THUMPD2: variants seen among roughly 807,000 people sequenced by gnomAD.
The protein encoded by THUMPD2 is U6 snRNA (guanine-N(2))-methyltransferase THUMPD2.
THUMPD2 carries 56 observed loss-of-function variants against 49.4 expected under a neutral mutation model. The ratio of observed to expected loss-of-function variants is 1.13; its 90% CI spans 0.91 to 1.41. The LOEUF is 1.41. Among genes scored for constraint, THUMPD2 ranks in the 40% most tolerant of loss-of-function variants. THUMPD2 has a pLI of 0.00. For synonymous variants in THUMPD2, 237 were observed against 205.2 expected (o/e 1.15, Z -1.32); for missense variants, 709 against 594.5 (o/e 1.19, Z -2.00).
At chr2:39,738,975 T>C (rs1673534837) in intron 9 of THUMPD2, among the ~76,000 whole-genome samples, 1 of 152,128 alleles carries the variant, frequency 6.6e-6, no homozygotes, top group South Asian at 2.1e-4. Flanking sequence ...GAAGCTTAGG[T>C]AGCTTTCCCT....
intron 8 of THUMPD2, among the ~76,000 whole-genome samples, chr2:39,754,535 A>C (rs6719179): frequency 0.42 from 63,755 of 152,034 alleles, 14,496 homozygotes; most frequent in East Asian, 0.75. Flanking sequence ...ACTACCTATC[A>C]CTGTCAACAG....
intron 9 of THUMPD2, among the ~76,000 whole-genome samples, chr2:39,739,775 G>A (rs868792240): frequency 1.3e-5 from 2 of 152,286 alleles, no homozygotes; most frequent in African/African-American, 4.8e-5. Flanking sequence ...GGAACTGAGA[G>A]GATAAACCCT....
chr2:39,770,009 GT>G lies in THUMPD2; in HGVS notation c.372del (p.Lys124AsnfsTer10). ...AGTTGGTTATCATCTCTCTGAGAAA[GT>G]TTTTCCTTTTTTGCATCAAGTTCAA... is the stretch of plus-strand genomic sequence containing the variant. The part of the protein sequence containing the change: ...NLLELDAKKE[K>X]LSQRDDNQLK... On this transcript the variant is annotated frameshift_variant, in exon 3 of 10. Coordinates refer to ENST00000505747, the MANE Select transcript of THUMPD2 (RefSeq NM_025264.5). LOFTEE classifies it high-confidence loss of function. 1 of 1,574,574 alleles carries G rather than the reference GT, an allele frequency of 6.4e-7. No individual in the cohort carries two copies. The highest frequency in any genetic ancestry group is 8.6e-7 in the Non-Finnish European group (1 of 1,168,950).
At chr2:39,746,740 G>A (rs1674643316) in intron 8 of THUMPD2, among the ~76,000 whole-genome samples, 1 of 152,048 alleles carries the variant, frequency 6.6e-6, no homozygotes, top group African/African-American at 2.4e-5. Context: ...TAAAACTCAG[G>A]ACTATGGCCC....
chr2:39,762,542 A>G (rs548957946), intron 5 of THUMPD2, among the ~76,000 whole-genome samples: 5 of 152,116 alleles, frequency 3.3e-5, no homozygotes, highest in South Asian at 2.1e-4. Context: ...GCTTTTTAAT[A>G]AAGTTTTTTC....
chr2:39,762,384 T>C (rs188694213), intron 5 of THUMPD2, among the ~76,000 whole-genome samples: 1 of 152,318 alleles, frequency 6.6e-6, no homozygotes, highest in East Asian at 1.9e-4. Flanking sequence ...TCATCTTTCT[T>C]TGACTTTAAC....
chr2:39,779,137 G>C lies in THUMPD2; in HGVS notation c.103C>G (p.Arg35Gly). 2 of 1,517,472 alleles carry C rather than the reference G, an allele frequency of 1.3e-6. No homozygotes were observed. Among genetic ancestry groups the C allele is most frequent in the Non-Finnish European group, 1.8e-6 (2 of 1,138,676 alleles). The allele number at this position is 1,517,472 out of a possible 1,614,324, so 94.0% of individuals were successfully genotyped here. The change falls in exon 1 of 10, where the codon CGG becomes GGG. Residue 35 changes from arginine to glycine, a missense_variant. By Grantham distance (125) the Arg-to-Gly change is moderately radical. Transcript: ENST00000505747. ...ACCTGCGTGGCCGCCAGCCGCGCCC[G>C]CACCTCTCGCATTACGAACGGCTCC... ...GLEPFVMREV[R>G]ARLAATQVEY...
chr2:39,756,035 G>A, intron 6 of THUMPD2, 75 bp from the exon 7 acceptor site: 1 of 1,329,538 alleles, frequency 7.5e-7, no homozygotes, highest in Admixed American at 1.8e-5. Flanking sequence ...TAAAACTTGA[G>A]GAATCAATAT....
In THUMPD2 at chr2:39,779,243, G is replaced by A. The variant is rs1182053714; in HGVS notation, c.-4C>T. 3.4e-6 allele frequency: 5 copies of A among 1,487,860 alleles called. No individual in the cohort carries two copies. The African/African-American group carries it at 4.4e-5, about 13-fold the overall frequency. The allele number at this position is 1,487,860 out of a possible 1,614,324, so 92.2% of individuals were successfully genotyped here. On this transcript the variant is annotated 5_prime_UTR_variant, in exon 1 of 10. Coordinates refer to ENST00000505747, the MANE Select transcript of THUMPD2 (RefSeq NM_025264.5). Reference sequence around the variant, plus strand: ...GCTCTCCACGCGCCTCCGACATGGCGGCTCAGGCGCGCCCTCGCGCCTTCG... The same window carrying A: ...GCTCTCCACGCGCCTCCGACATGGCAGCTCAGGCGCGCCCTCGCGCCTTCG...
chr2:39,777,924 G>C (rs992716720), intron 1 of THUMPD2, among the ~76,000 whole-genome samples: 5 of 151,986 alleles, frequency 3.3e-5, no homozygotes, highest in Admixed American at 6.6e-5. Flanking sequence ...TTCATACCAA[G>C]CACTCTAAGT....
rs1170392604 is a variant in THUMPD2 at position 39,736,516 on chromosome 2, AAAAATATTCG to A, written c.*209_*218del. ...TGACAGAAGATAAAACTTAAGTCTAAAAAATATTCGATAACTTTTTTCTCAAAAACATTAA... is the reference window on the plus strand; with the variant it reads ...TGACAGAAGATAAAACTTAAGTCTAAATAACTTTTTTCTCAAAAACATTAA... On this transcript the variant is annotated 3_prime_UTR_variant, in exon 10 of 10. Transcript: ENST00000505747. 31 of 420,698 alleles carry A rather than the reference AAAAATATTCG, an allele frequency of 7.4e-5. No homozygotes were observed. The highest frequency in any genetic ancestry group is 1.2e-4 in the Non-Finnish European group (28 of 239,474). 26.1% of individuals were successfully genotyped at this position (420,698 alleles called of 1,614,324 possible). A position where few individuals can be genotyped will look rare whatever the true frequency, so the allele number is the denominator to read the frequency against.
rs537469332 is a variant in THUMPD2, at chr2:39,776,380, A to C, written c.126+2734T>G. Among the ~76,000 whole-genome samples, 8 of 149,250 alleles carry C rather than the reference A, an allele frequency of 5.4e-5. No homozygotes were observed. The East Asian group carries it at 1.6e-3, about 31-fold the overall frequency. On this transcript the variant is annotated intron_variant, in intron 1 of 9. Coordinates refer to ENST00000505747, the MANE Select transcript of THUMPD2 (RefSeq NM_025264.5). ...AGGAACATGTTAAACTACACCATAG[A>C]GACTCAGTATACTATTTTTTTTTTT... is the stretch of plus-strand genomic sequence containing the variant.
chr2:39,742,719 G>GC (rs2148180145), intron 9 of THUMPD2, among the ~76,000 whole-genome samples: 1 of 152,320 alleles, frequency 6.6e-6, no homozygotes, highest in South Asian at 2.1e-4. Flanking sequence ...CTGCACTACA[G>GC]CATCACCTTG....
intron 1 of THUMPD2, among the ~76,000 whole-genome samples, chr2:39,773,347 T>C (rs727376): frequency 1.3e-5 from 2 of 151,422 alleles, no homozygotes; most frequent in African/African-American, 4.8e-5. Context: ...TTACTGAAAA[T>C]GTATGATTTT....
At chr2:39,768,819 G>T in intron 3 of THUMPD2, 1 of 1,042,510 alleles carries the variant, frequency 9.6e-7, no homozygotes, top group Non-Finnish European at 1.3e-6. Context: ...TCAGGAAATA[G>T]ATGCAAGCTG....
chr2:39,740,640 G>A (rs1673771166), intron 9 of THUMPD2, among the ~76,000 whole-genome samples: 1 of 151,756 alleles, frequency 6.6e-6, no homozygotes, highest in Non-Finnish European at 1.5e-5. Context: ...TTTTTTTAGA[G>A]ATGGGGTCAC....
intron 5 of THUMPD2, among the ~76,000 whole-genome samples, 187 bp downstream of exon 5, chr2:39,765,870 T>G (rs1466716662): frequency 3.9e-5 from 6 of 152,246 alleles, no homozygotes; most frequent in Non-Finnish European, 7.3e-5. Flanking sequence ...CAGCTCTAAC[T>G]GGTCAGTTCA....
intron 8 of THUMPD2, among the ~76,000 whole-genome samples, chr2:39,750,301 T>C (rs1215164059): frequency 6.6e-6 from 1 of 152,214 alleles, no homozygotes; most frequent in African/African-American, 2.4e-5. Flanking sequence ...CTGACTGGCA[T>C]GAGATGGTTT....
intron 1 of THUMPD2, among the ~76,000 whole-genome samples, chr2:39,777,488 A>G (rs74888810): frequency 3.2e-3 from 492 of 152,350 alleles, no homozygotes; most frequent in African/African-American, 0.011. Context: ...TAAAATATGG[A>G]GGTAAAAGTC....
Sources: allele counts gnomAD v4.1 joint callset (sites outside exome capture counted in the v4.1 genomes callset), GRCh38; gene constraint gnomAD v4.1.1; transcripts MANE v1.5; gene names NCBI Gene and HGNC (gene_info 2026-07-23, HGNC 2026-07-21).